Variants in UNC80 observed in about 807,000 individuals in gnomAD.
UNC80 encodes unc-80 subunit of NALCN channel complex.
A neutral mutation model predicts 384.6 loss-of-function variants in UNC80; 164 were observed. The observed-to-expected ratio is 0.43, with a 90% CI of 0.38 to 0.49. The LOEUF (loss-of-function observed/expected upper bound fraction) is 0.49. Ranked by LOEUF, UNC80 falls within the 20% of genes least tolerant of loss-of-function variation. The pLI is 0.00. For missense variants in UNC80, 3,330 were observed against 4,143.0 expected, an observed-to-expected ratio of 0.80 and a Z score of 5.39; for synonymous variants, 1,486 against 1,527.8, an observed-to-expected ratio of 0.97 and a Z score of 0.64.
At chr2:209,788,652 T>C (rs1259648144) in intron 5 of UNC80, among the ~76,000 whole-genome samples, 3 of 144,190 alleles carry the variant, frequency 2.1e-5, no homozygotes, top group Non-Finnish European at 3.0e-5. Context: ...AAAAAGCTTA[T>C]AGAATAAAGT....
intron 51 of UNC80, among the ~76,000 whole-genome samples, chr2:209,966,964 T>C (rs2092758423): frequency 6.6e-6 from 1 of 152,214 alleles, no homozygotes; most frequent in Non-Finnish European, 1.5e-5. Context: ...TGACCTTGAC[T>C]GTGGGTACTG....
intron 51 of UNC80, among the ~76,000 whole-genome samples, chr2:209,966,009 T>TC (rs1480518502): frequency 6.6e-6 from 1 of 152,090 alleles, no homozygotes; most frequent in Non-Finnish European, 1.5e-5. Context: ...TCCTGAAAAC[T>TC]TTCCATGTAT....
intron 63 of UNC80, 57 bp downstream of exon 63, chr2:209,993,483 C>T (rs2093428877): frequency 6.9e-7 from 1 of 1,457,120 alleles, no homozygotes; most frequent in Admixed American, 2.1e-5. Flanking sequence ...ATGCAACTCA[C>T]CCAGGAAGGC....
chr2:209,943,246 T>G, intron 44 of UNC80, 134 bp from the exon 45 acceptor site: 1 of 1,160,222 alleles, frequency 8.6e-7, no homozygotes, highest in African/African-American at 1.6e-5. Flanking sequence ...GTTTATGCCA[T>G]TTTACATTCC....
chr2:209,926,847 G>A lies in UNC80; in HGVS notation c.5667G>A (p.Glu1889=). The change falls in exon 36 of 65, where the codon GAG becomes GAA. Residue 1889 remains glutamate, a synonymous_variant. Coordinates refer to ENST00000673920, the MANE Select transcript of UNC80 (RefSeq NM_001371986.1). Reference sequence around the variant, plus strand: ...TGATTTTGTCTCCCATTTTAGATGAGGAACATACCACTGAACACACGCCGA... The same window carrying A: ...TGATTTTGTCTCCCATTTTAGATGAAGAACATACCACTGAACACACGCCGA... ...SVRSAVSAED[E]EHTTEHTPNH... is the part of the protein sequence containing the mutation. 6.4e-7 allele frequency: 1 copy of A among 1,551,966 alleles called. No homozygotes were observed. The highest frequency in any genetic ancestry group is 8.7e-7 in the Non-Finnish European group (1 of 1,146,982).
At chr2:209,823,452 A>G (rs906007720) in intron 13 of UNC80, among the ~76,000 whole-genome samples, 12 of 152,134 alleles carry the variant, frequency 7.9e-5, no homozygotes, top group East Asian at 7.7e-4. Flanking sequence ...AGAGCCCTCT[A>G]CACAAAGGCC....
intron 53 of UNC80, chr2:209,970,175 G>A: frequency 7.7e-6 from 3 of 387,162 alleles, no homozygotes; most frequent in South Asian, 5.0e-5. Context: ...CTGCCAGTTG[G>A]AGAGTGGGGT....
intron 28 of UNC80, among the ~76,000 whole-genome samples, chr2:209,900,986 A>G (rs2087334784): frequency 6.6e-6 from 1 of 152,214 alleles, no homozygotes; most frequent in Non-Finnish European, 1.5e-5. Context: ...AAGTTAGCAG[A>G]GGTTGCTTCA....
intron 5 of UNC80, among the ~76,000 whole-genome samples, 175 bp from the exon 6 acceptor site, chr2:209,789,357 A>T (rs763515705): frequency 5.0e-4 from 76 of 152,220 alleles, no homozygotes; most frequent in Non-Finnish European, 7.3e-4. Context: ...AACCAAAAAA[A>T]TGCTAAGATT....
rs1257359102 is a variant in UNC80 at position 209,888,198 on chromosome 2, A to G, written c.4214A>G (p.Lys1405Arg). 4 of 1,551,606 alleles carry G rather than the reference A, an allele frequency of 2.6e-6. No individual in the cohort carries two copies. In the Admixed American group the frequency reaches 7.8e-5, roughly 30 times the overall value. Residue 1405 changes from lysine to arginine, a missense_variant, in exon 26 of 65, where the codon AAA (lysine) becomes AGA (arginine). Physicochemically the swap from Lys to Arg is conservative, Grantham distance 26. This residue lies in a region of UNC80 where 801 missense variants were observed against 950.8 expected (regional missense o/e 0.84). Transcript: ENST00000673920. ...GTCCTGGACGAAAATGAAGACTCAA[A>G]AGATTCTCTCCACAGCAGCAGCCAC... The part of the protein sequence containing the change: ...AGVLDENEDS[K>R]DSLHSSSHTL...
At position 209,993,378 on chromosome 2, in the gene UNC80, C is replaced by T. The variant is rs374932020; in HGVS notation, c.9460C>T (p.Arg3154Trp). The T allele has an allele frequency of 8.1e-5, 126 of 1,551,736 alleles. No individual in the cohort carries two copies. The Middle Eastern group carries it at 1.2e-3, about 14-fold the overall frequency. ...QTEPRNRQGARLSTTRRSIQP... is the reference protein window; with the variant it reads ...QTEPRNRQGAWLSTTRRSIQP... ...TGAACCCAGAAATCGCCAAGGGGCT[C>T]GGCTGTCAACCACTCGCAGGAGCAT... The change falls in exon 63 of 65, where the codon CGG becomes TGG. Residue 3154 changes from arginine (R) to tryptophan (W), a missense_variant. Transcript: ENST00000673920.
chr2:209,960,320 G>T (rs1284477150), intron 51 of UNC80, among the ~76,000 whole-genome samples: 1 of 152,190 alleles, frequency 6.6e-6, no homozygotes, highest in Non-Finnish European at 1.5e-5. Context: ...AAAGGCCCCA[G>T]AATTACTTCC....
At chr2:209,880,878 T>C (rs1005350515) in intron 24 of UNC80, 83 bp from the exon 25 acceptor site, 15 of 1,320,626 alleles carry the variant, frequency 1.1e-5, no homozygotes, top group Admixed American at 1.0e-4. Context: ...ATTCTATACA[T>C]GTGTAGCTAT....
intron 4 of UNC80, among the ~76,000 whole-genome samples, chr2:209,784,399 C>CTATCAGGCAGTA (rs2077311010): frequency 1.3e-5 from 2 of 152,080 alleles, no homozygotes; most frequent in Non-Finnish European, 2.9e-5. Context: ...TTATCAAGAC[C>CTATCAGGCAGTA]TATCAGGCAG....
At chr2:209,984,774 A>C in intron 60 of UNC80, 82 bp from the exon 61 acceptor site, 1 of 1,365,938 alleles carries the variant, frequency 7.3e-7, no homozygotes, top group Non-Finnish European at 9.9e-7. Flanking sequence ...TTGGAAGCAG[A>C]AAATTGCATG....
chr2:209,773,163 A>AACCCACAC, intron 2 of UNC80, 21 bp downstream of exon 2: 1 of 1,607,302 alleles, frequency 6.2e-7, no homozygotes. Context: ...TTCACCATTT[A>AACCCACAC]ATAATTATTT....
chr2:209,887,886 G>A (rs2085973154), intron 25 of UNC80, among the ~76,000 whole-genome samples: 1 of 152,052 alleles, frequency 6.6e-6, no homozygotes, highest in Admixed American at 6.5e-5. Context: ...GAGGAAAAGG[G>A]GAAAAATACT....
At chr2:209,844,472 T>C (rs375680933) in intron 21 of UNC80, among the ~76,000 whole-genome samples, 8,979 of 76,930 alleles carry the variant, frequency 0.12, 858 homozygotes, top group Middle Eastern at 0.26. Context: ...TCTTTCTTTC[T>C]TTCTTTCCTT....
intron 61 of UNC80, among the ~76,000 whole-genome samples, chr2:209,986,526 G>C (rs1241370479): frequency 6.6e-6 from 1 of 152,210 alleles, no homozygotes; most frequent in Non-Finnish European, 1.5e-5. Flanking sequence ...GTTTTTGGTA[G>C]GTGAGACTGG....
Sources: gnomAD v4.1 joint callset for allele counts (sites outside exome capture counted in the v4.1 genomes callset) on GRCh38, gnomAD v4.1.1 for gene constraint, gnomAD v4.1.1 regional missense constraint, MANE v1.5 for transcripts, NCBI Gene and HGNC (gene_info 2026-07-23, HGNC 2026-07-21) for gene names.